Variants in CCSER1 observed in about 807,000 individuals in gnomAD.
CCSER1 encodes serine-rich coiled-coil domain-containing protein 1.
A neutral mutation model predicts 82.0 loss-of-function variants in CCSER1; 41 were observed. The observed-to-expected ratio is 0.50, with a 90% CI of 0.39 to 0.65. The LOEUF (loss-of-function observed/expected upper bound fraction) is 0.65, where lower values mean the gene tolerates loss of function less well. CCSER1 is among the 30% of genes least tolerant of loss of function. CCSER1 has a pLI of 0.00. For synonymous variants in CCSER1, 414 were observed against 383.9 expected (o/e 1.08, Z -0.92); for missense variants, 1,119 against 1,064.2 (o/e 1.05, Z -0.72).
intron 3 of CCSER1, among the ~76,000 whole-genome samples, chr4:90,314,718 C>T (rs540571463): frequency 2.5e-4 from 38 of 151,152 alleles, no homozygotes; most frequent in African/African-American, 8.5e-4. Flanking sequence ...CACTGCACTT[C>T]GGCCTGGGCA....
chr4:91,358,886 C>T (rs549698994), intron 10 of CCSER1, among the ~76,000 whole-genome samples: 139 of 152,202 alleles, frequency 9.1e-4, no homozygotes, highest in African/African-American at 3.3e-3. Context: ...ACAGGGCAGG[C>T]TTAAGTCACC....
intron 6 of CCSER1, among the ~76,000 whole-genome samples, chr4:90,688,728 A>T (rs1266438098): frequency 6.6e-6 from 1 of 152,174 alleles, no homozygotes; most frequent in Admixed American, 6.6e-5. Flanking sequence ...AATATAATAA[A>T]CACACTTAAC....
At chr4:91,057,128 G>C (rs1218176611) in intron 9 of CCSER1, among the ~76,000 whole-genome samples, 1 of 152,144 alleles carries the variant, frequency 6.6e-6, no homozygotes, top group Non-Finnish European at 1.5e-5. Context: ...TGGAGGACAA[G>C]GTCCTTATTG....
At chr4:90,203,827 A>G (rs1335447478) in intron 1 of CCSER1, among the ~76,000 whole-genome samples, 3 of 152,082 alleles carry the variant, frequency 2.0e-5, no homozygotes, top group Admixed American at 1.3e-4. Flanking sequence ...AAGCGTTCCT[A>G]TTGCTCCACA....
intron 5 of CCSER1, among the ~76,000 whole-genome samples, chr4:90,561,729 C>T (rs1239095232): frequency 6.6e-6 from 1 of 152,128 alleles, no homozygotes; most frequent in African/African-American, 2.4e-5. Context: ...AACCTCTTGG[C>T]ATCACAAATA....
chr4:90,270,215 A>G (rs1012486800), intron 1 of CCSER1, among the ~76,000 whole-genome samples: 9 of 152,124 alleles, frequency 5.9e-5, no homozygotes, highest in African/African-American at 2.2e-4. Context: ...GCATCAGAAA[A>G]GGAAAACTAC....
intron 1 of CCSER1, among the ~76,000 whole-genome samples, chr4:90,288,912 C>T (rs1238580966): frequency 6.6e-6 from 1 of 151,838 alleles, no homozygotes; most frequent in Non-Finnish European, 1.5e-5. Context: ...AGTGTATCAA[C>T]CAAGGGATAA....
At chr4:91,155,442 G>T (rs533706171) in intron 10 of CCSER1, among the ~76,000 whole-genome samples, 1 of 152,006 alleles carries the variant, frequency 6.6e-6, no homozygotes, top group South Asian at 2.1e-4. Context: ...CCAGTGTTGA[G>T]TATGTCTTTA....
chr4:90,481,240 A>C (rs1442747656), intron 5 of CCSER1, among the ~76,000 whole-genome samples: 2 of 152,182 alleles, frequency 1.3e-5, no homozygotes, highest in East Asian at 1.9e-4. Flanking sequence ...GACTTTGCTG[A>C]AGTTTCTTAT....
At chr4:90,707,914 G>T (rs1248514034) in intron 6 of CCSER1, among the ~76,000 whole-genome samples, 2 of 152,076 alleles carry the variant, frequency 1.3e-5, no homozygotes, top group African/African-American at 4.8e-5. Context: ...CACAGCTTTC[G>T]GTTTACAAGC....
chr4:90,596,774 T>C (rs1015919290), intron 5 of CCSER1, among the ~76,000 whole-genome samples: 4 of 151,900 alleles, frequency 2.6e-5, no homozygotes, highest in Non-Finnish European at 5.9e-5. Context: ...ATTTAAATGA[T>C]TAAAATCAGT....
intron 10 of CCSER1, among the ~76,000 whole-genome samples, chr4:91,190,701 T>A (rs959150731): frequency 6.6e-6 from 1 of 152,230 alleles, no homozygotes; most frequent in Non-Finnish European, 1.5e-5. Flanking sequence ...TGAGAAAGTG[T>A]AGGTCAATGT....
chr4:90,523,952 C>T (rs1007606877), intron 5 of CCSER1, among the ~76,000 whole-genome samples: 1 of 151,932 alleles, frequency 6.6e-6, no homozygotes, highest in African/African-American at 2.4e-5. Flanking sequence ...AGTTGAAAAC[C>T]TAGGTGAAGA....
chr4:90,128,501 G>GTT (rs1342598020), intron 1 of CCSER1, among the ~76,000 whole-genome samples: 6 of 151,436 alleles, frequency 4.0e-5, no homozygotes, highest in Non-Finnish European at 8.8e-5. Flanking sequence ...GTGCGTGTGT[G>GTT]TGTGTGTGTG....
chr4:91,165,260 G>A (rs556753907), intron 10 of CCSER1, among the ~76,000 whole-genome samples: 47 of 152,300 alleles, frequency 3.1e-4, no homozygotes, highest in Admixed American at 1.8e-3. Flanking sequence ...TATGACCAGC[G>A]GAGGTTGCAG....
intron 1 of CCSER1, among the ~76,000 whole-genome samples, chr4:90,252,784 T>C (rs1031097961): frequency 6.6e-6 from 1 of 152,056 alleles, no homozygotes; most frequent in East Asian, 1.9e-4. Flanking sequence ...CATATTTTTG[T>C]ATTATTTCAT....
chr4:91,532,600 T>TAC (rs1198561896), intron 10 of CCSER1, among the ~76,000 whole-genome samples: 2 of 152,182 alleles, frequency 1.3e-5, no homozygotes, highest in Non-Finnish European at 2.9e-5. Context: ...AATTAAAAGT[T>TAC]ACACTTTCCT....
chr4:90,535,549 A>G (rs1428209277), intron 5 of CCSER1, among the ~76,000 whole-genome samples: 2 of 152,190 alleles, frequency 1.3e-5, no homozygotes, highest in Non-Finnish European at 2.9e-5. Flanking sequence ...GACAGCCACT[A>G]AATAAGGTTG....
intron 5 of CCSER1, among the ~76,000 whole-genome samples, chr4:90,544,196 G>A (rs1776466253): frequency 1.3e-5 from 2 of 152,150 alleles, no homozygotes; most frequent in Middle Eastern, 3.4e-3. Context: ...GGAGAAAAAC[G>A]TTATCTTTAT....
Sources: gnomAD v4.1 joint callset for allele counts (sites outside exome capture counted in the v4.1 genomes callset) on GRCh38, gnomAD v4.1.1 for gene constraint, MANE v1.5 for transcripts, NCBI Gene and HGNC (gene_info 2026-07-23, HGNC 2026-07-21) for gene names.